The following SRGAP3 variants were observed in gnomAD, a reference collection of about 807,000 sequenced individuals.
SRGAP3 encodes SLIT-ROBO Rho GTPase-activating protein 3.
In SRGAP3, 39 loss-of-function variants were observed where a neutral mutation model predicts 121.1. That is an observed-to-expected ratio of 0.32 (90% CI 0.25 to 0.42). SRGAP3 has a LOEUF of 0.42. Ranked by LOEUF, SRGAP3 falls within the 10% of genes least tolerant of loss-of-function variation. The probability of loss-of-function intolerance (pLI) is 1.00; values close to 1 mark genes in which losing one functional copy is unlikely to be tolerated. For synonymous variants in SRGAP3, 601 were observed against 570.0 expected (o/e 1.05, Z -0.77); for missense variants, 1,213 against 1,470.6 (o/e 0.82, Z 2.86).
At chr3:9,217,344 C>T (rs2125191832) in intron 1 of SRGAP3, 1 of 152,230 alleles carries the variant, frequency 6.6e-6, no homozygotes, top group East Asian at 1.9e-4. Flanking sequence ...CTATTAATGG[C>T]CCAATCCTGT....
intron 1 of SRGAP3, among the ~76,000 whole-genome samples, chr3:9,126,710 G>A (rs1332290281): frequency 2.6e-5 from 4 of 151,674 alleles, no homozygotes; most frequent in Non-Finnish European, 5.9e-5. Flanking sequence ...TTATAAGTGG[G>A]ACCTAAATAA....
chr3:9,184,640 G>A (rs1951539055), intron 1 of SRGAP3, among the ~76,000 whole-genome samples: 1 of 152,148 alleles, frequency 6.6e-6, no homozygotes, highest in Admixed American at 6.5e-5. Context: ...TGGGAATTAG[G>A]CAGAGCCACT....
intron 4 of SRGAP3, among the ~76,000 whole-genome samples, chr3:9,065,087 T>C (rs910310599): frequency 6.6e-6 from 1 of 152,140 alleles, no homozygotes; most frequent in Non-Finnish European, 1.5e-5. Context: ...ACATCCTTCT[T>C]ACACACAAAT....
chr3:9,062,285 T>C (rs1170640688), intron 5 of SRGAP3, among the ~76,000 whole-genome samples: 1 of 152,180 alleles, frequency 6.6e-6, no homozygotes, highest in Non-Finnish European at 1.5e-5. Context: ...AAGAGCCAAG[T>C]AGCTAATCGA....
chr3:9,102,558 G>A (rs1421126548), intron 3 of SRGAP3, among the ~76,000 whole-genome samples: 1 of 152,118 alleles, frequency 6.6e-6, no homozygotes, highest in Non-Finnish European at 1.5e-5. Flanking sequence ...AAAGAGTGCC[G>A]GCCTCCATTC....
intron 1 of SRGAP3, among the ~76,000 whole-genome samples, chr3:9,127,688 C>A (rs546364230): frequency 3.2e-4 from 49 of 152,252 alleles, no homozygotes; most frequent in African/African-American, 1.1e-3. Context: ...ACCTCGTGAT[C>A]CACCCGCCTT....
intron 11 of SRGAP3, chr3:9,037,764 T>G (rs1380423096): frequency 2.0e-6 from 1 of 495,200 alleles, no homozygotes; most frequent in Non-Finnish European, 3.7e-6. Context: ...TCAGCCACTC[T>G]GAGTAGACAA....
At chr3:9,242,091 A>AG (rs1953665489) in intron 1 of SRGAP3, among the ~76,000 whole-genome samples, 1 of 150,754 alleles carries the variant, frequency 6.6e-6, no homozygotes, top group African/African-American at 2.4e-5. Flanking sequence ...AAAAAAAAAA[A>AG]AAAAAAAAGA....
intron 17 of SRGAP3, among the ~76,000 whole-genome samples, chr3:9,011,300 G>C (rs762202212): frequency 1.1e-4 from 16 of 152,186 alleles, no homozygotes; most frequent in Non-Finnish European, 1.9e-4. Context: ...GACAGAGAAG[G>C]CTTCTCAAAG....
intron 18 of SRGAP3, among the ~76,000 whole-genome samples, chr3:8,996,389 G>A (rs1252808808): frequency 1.3e-5 from 2 of 152,236 alleles, no homozygotes; most frequent in African/African-American, 4.8e-5. Context: ...GGCTCAAGAA[G>A]ACCATGCTTG....
rs369394210 is a variant in SRGAP3 at position 9,314,647 on chromosome 3, CCCACCCTGCCCTCCTCTCT to C, written n.442+11344_442+11362del. 7.3e-5 allele frequency among the ~76,000 whole-genome samples: 11 copies of C among 151,464 alleles called. No homozygotes were observed. In the South Asian group the frequency reaches 8.4e-4, roughly 12 times the overall value. On this transcript the variant is annotated intron_variant and non_coding_transcript_variant, in intron 3 of 3. Transcript: ENST00000490889. ...TATGTGTCCAGCCTGCCCTCCTCTC[CCCACCCTGCCCTCCTCTCT>C]CCACCCTGCCCTCCTCTCCCCAGTG...
chr3:9,258,407 A>G (rs565544341), intron 3 of SRGAP3, among the ~76,000 whole-genome samples: 1 of 152,212 alleles, frequency 6.6e-6, no homozygotes, highest in Admixed American at 6.5e-5. Context: ...CATGGGCTGG[A>G]GTGTGAGAAG....
At chr3:8,997,895 T>C (rs112587401) in intron 18 of SRGAP3, among the ~76,000 whole-genome samples, 3,676 of 152,070 alleles carry the variant, frequency 0.024, 150 homozygotes, top group African/African-American at 0.082. Context: ...TTTTTCTTTT[T>C]CTTGAGACAG....
intron 1 of SRGAP3, among the ~76,000 whole-genome samples, chr3:9,162,991 T>C (rs990505296): frequency 6.6e-6 from 1 of 152,214 alleles, no homozygotes; most frequent in Non-Finnish European, 1.5e-5. Flanking sequence ...TTATTTACCC[T>C]GTCTGTGCTT....
chr3:9,150,892 G>A (rs148006125), intron 1 of SRGAP3, among the ~76,000 whole-genome samples: 181 of 152,352 alleles, frequency 1.2e-3, no homozygotes, highest in Middle Eastern at 6.8e-3. Flanking sequence ...CTGAATGATG[G>A]CTGAACCTCA....
intron 12 of SRGAP3, among the ~76,000 whole-genome samples, chr3:9,031,421 G>T (rs1441561551): frequency 6.6e-6 from 1 of 152,084 alleles, no homozygotes; most frequent in Admixed American, 6.5e-5. Flanking sequence ...GCATCCATGG[G>T]CCCTTCCTTT....
At chr3:9,091,587 T>C (rs1270435533) in intron 3 of SRGAP3, among the ~76,000 whole-genome samples, 2 of 152,140 alleles carry the variant, frequency 1.3e-5, no homozygotes, top group Non-Finnish European at 2.9e-5. Flanking sequence ...AAACAAAGGC[T>C]TAAAAGGCAT....
chr3:9,278,241 G>C (rs1235023425), intron 3 of SRGAP3, among the ~76,000 whole-genome samples: 1 of 152,176 alleles, frequency 6.6e-6, no homozygotes, highest in African/African-American at 2.4e-5. Flanking sequence ...TTTCCATTGT[G>C]TCAGGCCTCC....
intron 8 of SRGAP3, 40 bp from the exon 9 acceptor site, chr3:9,053,264 C>T: frequency 1.3e-6 from 2 of 1,590,836 alleles, no homozygotes; most frequent in Non-Finnish European, 1.7e-6. Context: ...CCTGTATTCT[C>T]ATACTGCCGT....
Sources: gnomAD v4.1 joint callset for allele counts (sites outside exome capture counted in the v4.1 genomes callset) on GRCh38, gnomAD v4.1.1 for gene constraint, MANE v1.5 for transcripts, NCBI Gene and HGNC (gene_info 2026-07-23, HGNC 2026-07-21) for gene names.